Variants in SYNGR2 observed in about 807,000 individuals in gnomAD.
SYNGR2 encodes the protein synaptogyrin-2.
Under a neutral mutation model 18.7 loss-of-function variants are expected in SYNGR2, and 11 were observed. The ratio of observed to expected loss-of-function variants is 0.59; its 90% confidence interval spans 0.37 to 0.97. The LOEUF is 0.97. Ranked by LOEUF, SYNGR2 falls within the 50% of genes least tolerant of loss-of-function variation. The probability of loss-of-function intolerance (pLI) is 0.01; values close to 1 mark genes in which losing one functional copy is unlikely to be tolerated. For missense variants in SYNGR2, 253 were observed against 300.7 expected, an observed-to-expected ratio of 0.84 and a Z score of 1.17; for synonymous variants, 127 against 131.0, an observed-to-expected ratio of 0.97 and a Z score of 0.21.
At chr17:78,169,906 ATGCCACAGAGGC>A (rs1567826454) in intron 1 of SYNGR2, 2 of 153,352 alleles carry the variant, frequency 1.3e-5, no homozygotes, top group Non-Finnish European at 2.9e-5. Context: ...AGGGACCAGG[ATGCCACAGAGGC>A]TGCAAGTCCT....
Position 78,168,592 on chromosome 17 carries a change from C to T in SYNGR2, c.-25C>T. On this transcript the variant is annotated 5_prime_UTR_variant, in exon 1 of 4. Coordinates refer to ENST00000225777, the MANE Select transcript of SYNGR2 (RefSeq NM_004710.7). ...GGGCAGGTTCCTCTGCGTTCCGCGG[C>T]GGCGGCAGCGGCGGCGACGGCGACA... 1 of 1,177,152 alleles carries T rather than the reference C, an allele frequency of 8.5e-7. No individual in the cohort carries two copies. Among genetic ancestry groups the T allele is most frequent in the Non-Finnish European group, 1.1e-6 (1 of 947,396 alleles). 72.9% of individuals were successfully genotyped at this position (1,177,152 alleles called of 1,614,324 possible).
Position 78,172,378 on chromosome 17 carries a change from CTT to C in SYNGR2, c.*443_*444del, listed in dbSNP as rs572146877. 3.8e-4 allele frequency: 105 copies of C among 274,570 alleles called. 2 individuals carry two copies. Among genetic ancestry groups the C allele is most frequent in the African/African-American group, 1.9e-3 (87 of 46,258 alleles). 17.0% of individuals were successfully genotyped at this position (274,570 alleles called of 1,614,324 possible). A position where few individuals can be genotyped will look rare whatever the true frequency, so the allele number is the denominator to read the frequency against. ...CTGTGCAGCGGAGCCGGACCAGGCTCTTGTGTCCTCACTCAGGTTTGCTTCCC... is the reference window on the plus strand; with the variant it reads ...CTGTGCAGCGGAGCCGGACCAGGCTCGTGTCCTCACTCAGGTTTGCTTCCC... On this transcript the variant is annotated 3_prime_UTR_variant, in exon 4 of 4. Transcript: ENST00000225777.
At position 78,172,283 on chromosome 17, in the gene SYNGR2, G is replaced by T. The variant is rs1442080730; in HGVS notation, c.*347G>T. 8 of 521,792 alleles carry T rather than the reference G, an allele frequency of 1.5e-5. No individual in the cohort carries two copies. The highest frequency in any genetic ancestry group is 8.9e-5 in the South Asian group (3 of 33,878). 32.3% of individuals were successfully genotyped at this position (521,792 alleles called of 1,614,324 possible). ...AAGTGCCTCAGCTTCCCCCCGGCCC[G>T]GGTCAGGCCGTGGGAGCCGCTATTA... is the stretch of plus-strand genomic sequence containing the variant. On this transcript the variant is annotated 3_prime_UTR_variant, in exon 4 of 4. Coordinates refer to ENST00000225777, the MANE Select transcript of SYNGR2 (RefSeq NM_004710.7).
chr17:78,171,099 A>C lies in SYNGR2; in HGVS notation c.337+45A>C. 6.3e-7 allele frequency: 1 copy of C among 1,575,246 alleles called. No individual in the cohort carries two copies. The highest frequency in any genetic ancestry group is 8.7e-7 in the Non-Finnish European group (1 of 1,152,164). ...CCATTTGATCTTGGGGGAGGCATTA[A>C]CTCTAGGGTTCCGCAGCTGGGAGGG... On this transcript the variant is annotated intron_variant, in intron 2 of 3. Coordinates refer to ENST00000225777, the MANE Select transcript of SYNGR2 (RefSeq NM_004710.7). The surrounding 1 kb of genome is among the most constrained non-coding windows in gnomAD (Gnocchi z 6.6).
chr17:78,168,966 C>G (rs1041643804), intron 1 of SYNGR2, among the ~76,000 whole-genome samples: 1 of 152,094 alleles, frequency 6.6e-6, no homozygotes, highest in Non-Finnish European at 1.5e-5. Context: ...GCGGGGTGTC[C>G]GGATCTCCGC....
In SYNGR2 at chr17:78,171,867, C is replaced by G; in HGVS notation, c.606C>G (p.Asn202Lys). 1 of 1,614,156 alleles carries G rather than the reference C, an allele frequency of 6.2e-7. No homozygotes were observed. The highest frequency in any genetic ancestry group is 8.5e-7 in the Non-Finnish European group (1 of 1,180,028). ...CCTACCCAGGTGCATCTGTGGACAA[C>G]TACCAACAGCCACCCTTCACCCAGA... ...YASYPGASVDNYQQPPFTQNA... is the reference protein window; with the variant it reads ...YASYPGASVDKYQQPPFTQNA... Residue 202 changes from asparagine (N) to lysine (K), a missense_variant, in exon 4 of 4, where the codon AAC (asparagine) becomes AAG (lysine). Asn to Lys is a moderately conservative substitution (Grantham distance 94, BLOSUM62 0). Coordinates refer to ENST00000225777, the MANE Select transcript of SYNGR2 (RefSeq NM_004710.7). This position sits in a 1 kb window ranked among gnomAD's most constrained non-coding sequence, Gnocchi z 6.6.
chr17:78,171,170 G>A lies in SYNGR2; in HGVS notation c.337+116G>A. On this transcript the variant is annotated intron_variant, in intron 2 of 3. Transcript: ENST00000225777. This position sits in a 1 kb window ranked among gnomAD's most constrained non-coding sequence, Gnocchi z 6.6. The stretch of plus-strand genomic sequence containing the variant: ...GCAGGGAGCAGCTCACTCCTCCAGG[G>A]CATTTTTAGGAAAGGGTTTTCAGCT... 1 of 1,010,262 alleles carries A rather than the reference G, an allele frequency of 9.9e-7. No homozygotes were observed. Among genetic ancestry groups the A allele is most frequent in the South Asian group, 1.5e-5 (1 of 66,472 alleles). 62.6% of individuals were successfully genotyped at this position (1,010,262 alleles called of 1,614,324 possible).
intron 1 of SYNGR2, chr17:78,169,796 C>G (rs1487112260): frequency 6.6e-6 from 1 of 152,416 alleles, no homozygotes; most frequent in Non-Finnish European, 1.5e-5. Flanking sequence ...CCTGGGTCCT[C>G]CAGGTGTCTG....
Position 78,172,109 on chromosome 17 carries a change from G to A in SYNGR2, c.*173G>A. The A allele has an allele frequency of 1.4e-6, 2 of 1,432,806 alleles. No homozygotes were observed. The highest frequency in any genetic ancestry group is 1.8e-6 in the Non-Finnish European group (2 of 1,087,470). The allele number at this position is 1,432,806 out of a possible 1,614,324, so 88.8% of individuals were successfully genotyped here. ...GGGGGCTGGCAGAGCCACACCCCAAGTGCCTGTGCCCAGAGGGCTTCAGTC... is the reference window on the plus strand; with the variant it reads ...GGGGGCTGGCAGAGCCACACCCCAAATGCCTGTGCCCAGAGGGCTTCAGTC... On this transcript the variant is annotated 3_prime_UTR_variant, in exon 4 of 4. Coordinates refer to ENST00000225777, the MANE Select transcript of SYNGR2 (RefSeq NM_004710.7).
chr17:78,171,787 G>A lies in SYNGR2; in HGVS notation c.526G>A (p.Asp176Asn), dbSNP rs373150220. 25 of 1,613,926 alleles carry A rather than the reference G, an allele frequency of 1.5e-5. No homozygotes were observed. The highest frequency in any genetic ancestry group is 4.4e-5 in the South Asian group (4 of 91,074). The change falls in exon 4 of 4, where the codon GAC becomes AAC. Residue 176 changes from aspartate (D) to asparagine (N), a missense_variant. Physicochemically the swap from Asp to Asn is conservative, Grantham distance 23. Transcript: ENST00000225777. The surrounding 1 kb of genome is among the most constrained non-coding windows in gnomAD (Gnocchi z 6.6). ...AYQRYKAGVD[D>N]FIQNYVDPTP... ...CCAGCGCTACAAGGCTGGCGTGGAC[G>A]ACTTCATCCAGAATTACGTTGACCC...
chr17:78,172,884 C>T (rs2075670865), downstream of SYNGR2: 2 of 152,430 alleles, frequency 1.3e-5, no homozygotes, highest in East Asian at 1.9e-4. Flanking sequence ...TCTGGGGTCG[C>T]ATTCCGCACA....
Position 78,170,910 on chromosome 17 carries a change from G to A in SYNGR2, c.193G>A (p.Glu65Lys), listed in dbSNP as rs763120303. 6.2e-6 allele frequency: 10 copies of A among 1,613,386 alleles called. No individual in the cohort carries two copies. The highest frequency in any genetic ancestry group is 4.4e-5 in the South Asian group (4 of 91,092). Residue 65 changes from glutamate to lysine, a missense_variant, in exon 2 of 4, where the codon GAG becomes AAG. Physicochemically the swap from Glu to Lys is moderately conservative, Grantham distance 56. Coordinates refer to ENST00000225777, the MANE Select transcript of SYNGR2 (RefSeq NM_004710.7). ...GATGTACTGCGTGTTCAACCGCAAC[G>A]AGGATGCCTGCCGCTATGGCAGTGC... ...KQMYCVFNRNEDACRYGSAIG... is the reference protein window; with the variant it reads ...KQMYCVFNRNKDACRYGSAIG...
intron 1 of SYNGR2, 125 bp downstream of exon 1, chr17:78,168,840 C>A: frequency 3.7e-6 from 3 of 813,278 alleles, no homozygotes; most frequent in East Asian, 5.2e-5. Context: ...TGGCGGCGAG[C>A]GGGGCCGGCG....
intron 1 of SYNGR2, chr17:78,170,411 A>G (rs183212101): frequency 4.5e-4 from 81 of 180,508 alleles, no homozygotes; most frequent in African/African-American, 1.8e-3. Context: ...CCAAAAGGGG[A>G]CAGCAGGCTG....
In SYNGR2 at chr17:78,171,369, C is replaced by T. The variant is rs537798036; in HGVS notation, c.338-141C>T. ...TGTGGGGGACTTTGGAGGTGGCTCC[C>T]GGCCCGGCTTCCAAGTCCTCCCCTC... On this transcript the variant is annotated intron_variant, in intron 2 of 3. Coordinates refer to ENST00000225777, the MANE Select transcript of SYNGR2 (RefSeq NM_004710.7). The surrounding 1 kb of genome is among the most constrained non-coding windows in gnomAD (Gnocchi z 6.6). 94 of 1,097,116 alleles carry T rather than the reference C, an allele frequency of 8.6e-5. 1 individual carries two copies. Among genetic ancestry groups the T allele is most frequent in the East Asian group, 2.9e-4 (11 of 38,492 alleles). 68.0% of individuals were successfully genotyped at this position (1,097,116 alleles called of 1,614,324 possible). A position where few individuals can be genotyped will look rare whatever the true frequency, so the allele number is the denominator to read the frequency against.
In SYNGR2 at chr17:78,171,559, G is replaced by A. The variant is rs780385530; in HGVS notation, c.387G>A (p.Gln129=). 2.0e-6 allele frequency: 3 copies of A among 1,537,432 alleles called. No homozygotes were observed. The Admixed American group carries it at 6.1e-5, about 31-fold the overall frequency. Residue 129 remains glutamine, a synonymous_variant, in exon 3 of 4, where the codon CAG becomes CAA. Coordinates refer to ENST00000225777, the MANE Select transcript of SYNGR2 (RefSeq NM_004710.7). This position sits in a 1 kb window ranked among gnomAD's most constrained non-coding sequence, Gnocchi z 6.6. ...TTGGTTTCTGCTTCCTCACCAACCA[G>A]TGGGCAGTCACCAACCCGAAGGACG... The part of the protein sequence containing the change: ...WFVGFCFLTN[Q]WAVTNPKDVL...
At position 78,171,019 on chromosome 17, in the gene SYNGR2, G is replaced by C. The variant is rs1332035020; in HGVS notation, c.302G>C (p.Arg101Pro). 1.9e-6 allele frequency: 3 copies of C among 1,613,262 alleles called. No homozygotes were observed. The highest frequency in any genetic ancestry group is 2.5e-6 in the Non-Finnish European group (3 of 1,179,974). ...CCCCAGATCAGCAACGCCACTGACC[G>C]CAAGTACCTGGTCATTGGTGACCTG... The part of the protein sequence containing the change: ...YFPQISNATD[R>P]KYLVIGDLLF... The change falls in exon 2 of 4, where the codon CGC becomes CCC. Residue 101 changes from arginine to proline, a missense_variant. By Grantham distance (103) the Arg-to-Pro change is moderately radical (BLOSUM62 -2). Coordinates refer to ENST00000225777, the MANE Select transcript of SYNGR2 (RefSeq NM_004710.7). The surrounding 1 kb of genome is among the most constrained non-coding windows in gnomAD (Gnocchi z 6.6).
In SYNGR2 at chr17:78,171,415, G is replaced by C; in HGVS notation, c.338-95G>C. 2 of 1,443,806 alleles carry C rather than the reference G, an allele frequency of 1.4e-6. No homozygotes were observed. The highest frequency in any genetic ancestry group is 2.4e-5 in the Admixed American group (1 of 42,312). 89.4% of individuals were successfully genotyped at this position (1,443,806 alleles called of 1,614,324 possible). Reference sequence around the variant, plus strand: ...CCCTCCATAGTGTGGAGGCTCCCCCGGGAGGTCCCTGCCCTACCTGCCCGC... The same window carrying C: ...CCCTCCATAGTGTGGAGGCTCCCCCCGGAGGTCCCTGCCCTACCTGCCCGC... On this transcript the variant is annotated intron_variant, in intron 2 of 3. Coordinates refer to ENST00000225777, the MANE Select transcript of SYNGR2 (RefSeq NM_004710.7). The surrounding 1 kb of genome is among the most constrained non-coding windows in gnomAD (Gnocchi z 6.6).
In SYNGR2 at chr17:78,170,940, G is replaced by A. The variant is rs756927599; in HGVS notation, c.223G>A (p.Gly75Arg). ...EDACRYGSAI[G>R]VLAFLASAFF... ...TGCCTGCCGCTATGGCAGTGCCATCGGGGTGCTGGCCTTCCTGGCCTCGGC... is the reference window on the plus strand; with the variant it reads ...TGCCTGCCGCTATGGCAGTGCCATCAGGGTGCTGGCCTTCCTGGCCTCGGC... The change falls in exon 2 of 4, where the codon GGG (glycine) becomes AGG (arginine). Residue 75 changes from glycine (G) to arginine (R), a missense_variant. Physicochemically the swap from Gly to Arg is moderately radical, Grantham distance 125. Coordinates refer to ENST00000225777, the MANE Select transcript of SYNGR2 (RefSeq NM_004710.7). The A allele has an allele frequency of 3.7e-6, 6 of 1,613,326 alleles. No homozygotes were observed. Among genetic ancestry groups the A allele is most frequent in the African/African-American group, 1.3e-5 (1 of 74,922 alleles).
Sources: gnomAD v4.1 joint callset for allele counts (sites outside exome capture counted in the v4.1 genomes callset) on GRCh38, gnomAD v4.1.1 for gene constraint, Gnocchi (gnomAD v3.1) non-coding constraint, MANE v1.5 for transcripts, NCBI Gene and HGNC (gene_info 2026-07-23, HGNC 2026-07-21) for gene names.